The following C2 variants were observed in gnomAD, a reference collection of about 807,000 sequenced individuals.
C2 encodes the protein C3/C5 convertase.
In C2, 64 loss-of-function variants were observed where a neutral mutation model predicts 85.2. The observed-to-expected ratio is 0.75, with a 90% CI of 0.61 to 0.92. The LOEUF is 0.92. Ranked by LOEUF, C2 falls within the 40% of genes least tolerant of loss-of-function variation. The pLI is 0.00. For missense variants in C2, 820 were observed against 971.6 expected (o/e 0.84, Z 2.07); for synonymous variants, 311 against 370.8 (o/e 0.84, Z 1.85).
At chr6:31,941,015 G>A (rs926782696) in intron 9 of C2, among the ~76,000 whole-genome samples, 3 of 152,232 alleles carry the variant, frequency 2.0e-5, no homozygotes, top group Non-Finnish European at 2.9e-5. Context: ...CACCACAGTC[G>A]GAGGACAGGC....
At chr6:31,938,630 T>C (rs1214802161) in intron 8 of C2, among the ~76,000 whole-genome samples, 1 of 151,894 alleles carries the variant, frequency 6.6e-6, no homozygotes, top group East Asian at 1.9e-4. Context: ...TAGCTGGGAC[T>C]ACAGGCATGT....
In C2 at chr6:31,943,082, T is replaced by C; in HGVS notation, c.1343T>C (p.Val448Ala). The part of the protein sequence containing the change: ...ILQDTKALHQ[V>A]FEHMLDVSKL... The stretch of plus-strand genomic sequence containing the variant: ...CAGGACACAAAGGCTCTGCACCAGG[T>C]CTTTGAACATATGCTGGGTGAGTGA... Residue 448 changes from valine (V) to alanine (A), a missense_variant, in exon 10 of 18, where the codon GTC (valine) becomes GCC (alanine). By Grantham distance (64) the Val-to-Ala change is moderately conservative. Coordinates refer to ENST00000299367, the MANE Select transcript of C2 (RefSeq NM_000063.6). This position sits in a 1 kb window ranked among gnomAD's most constrained non-coding sequence, Gnocchi z 6.4. 1.2e-6 allele frequency: 2 copies of C among 1,612,954 alleles called. No homozygotes were observed. The highest frequency in any genetic ancestry group is 2.2e-5 in the South Asian group (2 of 91,076).
chr6:31,899,448 TA>T (rs1203634075), upstream of C2, among the ~76,000 whole-genome samples: 1 of 152,002 alleles, frequency 6.6e-6, no homozygotes, highest in Non-Finnish European at 1.5e-5. Flanking sequence ...TGGGACTCAG[TA>T]ATCTTTTCCC....
chr6:31,944,129 C>CTG lies in C2; in HGVS notation c.1811-5_1811-4insGT, dbSNP rs1562617744. 1 of 1,607,618 alleles carries CTG rather than the reference C, an allele frequency of 6.2e-7. No individual in the cohort carries two copies. The highest frequency in any genetic ancestry group is 8.5e-7 in the Non-Finnish European group (1 of 1,175,038). On this transcript the variant is annotated splice_region_variant and splice_polypyrimidine_tract_variant and intron_variant, in intron 14 of 17. Transcript: ENST00000299367. This position sits in a 1 kb window ranked among gnomAD's most constrained non-coding sequence, Gnocchi z 5.1. ...CAGCACCAACATCCCCTTCTCTTGA[C>CTG]TATAGAGAATGAACTGCTGAACAAA...
intron 3 of C2, 107 bp downstream of exon 3, chr6:31,929,024 C>A: frequency 2.0e-6 from 2 of 1,014,824 alleles, no homozygotes; most frequent in Non-Finnish European, 2.9e-6. Flanking sequence ...GTCTGTTGTT[C>A]AGTGTGCCAT....
At chr6:31,900,772 C>T (rs774350977), upstream of C2, 2 of 1,590,566 alleles carry the variant, frequency 1.3e-6, no homozygotes, top group South Asian at 1.1e-5. The surrounding 1 kb of genome is among the most constrained non-coding windows in gnomAD (Gnocchi z 9.7). Context: ...GCTTCACTGG[C>T]CGCAGGAGTG....
chr6:31,942,868 T>C (rs761901652), intron 9 of C2, 91 bp from the exon 10 acceptor site: 342 of 1,543,600 alleles, frequency 2.2e-4, no homozygotes, highest in Non-Finnish European at 2.9e-4. Context: ...TAGGTCTTGA[T>C]TGGACACAGT....
At position 31,928,112 on chromosome 6, in the gene C2, A is replaced by G; in HGVS notation, c.204A>G (p.Gly68=). The stretch of plus-strand genomic sequence containing the variant: ...CATCACGGCTGTGCAAGAGCAGCGG[A>G]CAGTGGCAGACCCCAGGAGCCACCC... ...SPASRLCKSS[G]QWQTPGATRS... Residue 68 remains glycine (G), a synonymous_variant, in exon 2 of 18, where the codon GGA becomes GGG. Transcript: ENST00000299367. 1 of 1,613,686 alleles carries G rather than the reference A, an allele frequency of 6.2e-7. No homozygotes were observed. Among genetic ancestry groups the G allele is most frequent in the Non-Finnish European group, 8.5e-7 (1 of 1,179,986 alleles).
intron 1 of C2, among the ~76,000 whole-genome samples, chr6:31,902,894 T>C (rs2151696782): frequency 6.6e-6 from 1 of 152,312 alleles, no homozygotes; most frequent in South Asian, 2.1e-4. Context: ...TGATTTATTA[T>C]GTTAGTATGA....
Position 31,904,400 on chromosome 6 carries a change from G to A in C2, c.73+3261G>A, listed in dbSNP as rs747304539. Reference sequence around the variant, plus strand: ...ACGATCTTGGCTCACTGCAACCTCCGCTTCCCAGGTTCAAGTGATTCTCCT... The same window carrying A: ...ACGATCTTGGCTCACTGCAACCTCCACTTCCCAGGTTCAAGTGATTCTCCT... On this transcript the variant is annotated intron_variant, in intron 1 of 3. Coordinates refer to the C2 transcript ENST00000452202. This position sits in a 1 kb window ranked among gnomAD's most constrained non-coding sequence, Gnocchi z 4.4. 1.3e-5 allele frequency among the ~76,000 whole-genome samples: 2 copies of A among 151,954 alleles called. No homozygotes were observed. Among genetic ancestry groups the A allele is most frequent in the African/African-American group, 2.4e-5 (1 of 41,314 alleles).
rs1185191000 is a variant in C2, at chr6:31,944,524, G to A, written c.1903-203G>A. 1.3e-5 allele frequency among the ~76,000 whole-genome samples: 2 copies of A among 152,204 alleles called. No homozygotes were observed. Among genetic ancestry groups the A allele is most frequent in the Non-Finnish European group, 2.9e-5 (2 of 68,042 alleles). ...AGCCTCCCGAGTAGCTGAGATTACA[G>A]GTGCCCACCACCACACCAGCTAATT... On this transcript the variant is annotated intron_variant, in intron 15 of 17. Transcript: ENST00000299367. The surrounding 1 kb of genome is among the most constrained non-coding windows in gnomAD (Gnocchi z 5.1).
At chr6:31,939,165 T>C in intron 8 of C2, 66 bp from the exon 9 acceptor site, 3 of 1,131,780 alleles carry the variant, frequency 2.7e-6, no homozygotes, top group African/African-American at 1.5e-5. Context: ...AATGCTTTCC[T>C]ACTCTTCCAG....
intron 2 of C2, 178 bp downstream of exon 2, chr6:31,928,342 T>TCTTGATGGAGACTGTGGGGTA: frequency 2.9e-6 from 2 of 688,660 alleles, no homozygotes; most frequent in Non-Finnish European, 5.1e-6. Flanking sequence ...TGGGAACAGG[T>TCTTGATGGAGACTGTGGGGTA]CTTGATGGAG....
At chr6:31,923,557 C>T (rs1482524212), upstream of C2, among the ~76,000 whole-genome samples, 2 of 151,962 alleles carry the variant, frequency 1.3e-5, no homozygotes, top group Admixed American at 1.3e-4. Flanking sequence ...GATCTCCGCT[C>T]ACTGCAAGCT....
upstream of C2, chr6:31,897,882 G>A (rs967652882): frequency 8.5e-6 from 9 of 1,059,104 alleles, no homozygotes; most frequent in Non-Finnish European, 1.0e-5. Context: ...AGTTCTGCAG[G>A]GACCGAGGGC....
intron 6 of C2, chr6:31,934,924 C>A (rs1582093782): frequency 3.8e-6 from 1 of 262,462 alleles, no homozygotes; most frequent in African/African-American, 2.3e-5. Context: ...AGGAGAATCG[C>A]TTGGATCCGG....
In C2 at chr6:31,928,127, A is replaced by G; in HGVS notation, c.219A>G (p.Pro73=). Residue 73 remains proline (P), a synonymous_variant, in exon 2 of 18, where the codon CCA becomes CCG. Coordinates refer to ENST00000299367, the MANE Select transcript of C2 (RefSeq NM_000063.6). ...AGAGCAGCGGACAGTGGCAGACCCC[A>G]GGAGCCACCCGGTCTCTGTCTAAGG... is the stretch of plus-strand genomic sequence containing the variant. ...LCKSSGQWQT[P]GATRSLSKAV... 2 of 1,613,120 alleles carry G rather than the reference A, an allele frequency of 1.2e-6. No individual in the cohort carries two copies. Among genetic ancestry groups the G allele is most frequent in the Non-Finnish European group, 1.7e-6 (2 of 1,179,936 alleles).
chr6:31,898,556 C>T (rs567192646), upstream of C2, among the ~76,000 whole-genome samples: 27 of 152,012 alleles, frequency 1.8e-4, no homozygotes, highest in South Asian at 2.3e-3. Flanking sequence ...CAATTAAAGG[C>T]CTTCTGGGAA....
At chr6:31,910,064 A>G (rs1767990978) in intron 1 of C2, among the ~76,000 whole-genome samples, 1 of 150,420 alleles carries the variant, frequency 6.6e-6, no homozygotes, top group Non-Finnish European at 1.5e-5. Context: ...TATTTATAGT[A>G]GAGATGGGGT....
Sources: gnomAD v4.1 joint callset for allele counts (sites outside exome capture counted in the v4.1 genomes callset) on GRCh38, gnomAD v4.1.1 for gene constraint, Gnocchi (gnomAD v3.1) non-coding constraint, MANE v1.5 for transcripts, NCBI Gene and HGNC (gene_info 2026-07-23, HGNC 2026-07-21) for gene names.